Variants in AUTS2 observed in about 807,000 individuals in gnomAD.
The protein encoded by AUTS2 is autism susceptibility gene 2 protein.
A neutral mutation model predicts 112.4 loss-of-function variants in AUTS2; 17 were observed. That is an observed-to-expected ratio of 0.15 (90% CI 0.10 to 0.23). The LOEUF is 0.23. AUTS2 is among the 10% of genes least tolerant of loss of function. AUTS2 has a pLI of 1.00. For synonymous variants in AUTS2, 751 were observed against 702.7 expected (o/e 1.07, Z -1.09); for missense variants, 1,510 against 1,701.6 (o/e 0.89, Z 1.98).
intron 1 of AUTS2, among the ~76,000 whole-genome samples, chr7:69,614,405 G>A (rs918997656): frequency 5.8e-5 from 4 of 68,956 alleles, no homozygotes; most frequent in African/African-American, 1.5e-4. Flanking sequence ...TCCCAGGCTG[G>A]AGTGCAGCAG....
At chr7:70,194,856 C>G (rs1296827038) in intron 4 of AUTS2, 1 of 152,148 alleles carries the variant, frequency 6.6e-6, no homozygotes, top group Non-Finnish European at 1.5e-5. Context: ...GGTTTGGGAA[C>G]TATTTGGATT....
chr7:70,209,150 G>T (rs1248285754), intron 4 of AUTS2, among the ~76,000 whole-genome samples: 2 of 152,158 alleles, frequency 1.3e-5, no homozygotes, highest in Non-Finnish European at 2.9e-5. Flanking sequence ...ATGTAAAGTG[G>T]TTGCATTCGG....
intron 5 of AUTS2, among the ~76,000 whole-genome samples, chr7:70,629,528 A>G (rs1265074987): frequency 6.6e-6 from 1 of 151,726 alleles, no homozygotes; most frequent in Non-Finnish European, 1.5e-5. Flanking sequence ...TTCTGTGGTC[A>G]TAGCAGCCAA....
At chr7:70,465,988 G>A (rs1218231306) in intron 5 of AUTS2, among the ~76,000 whole-genome samples, 2 of 152,178 alleles carry the variant, frequency 1.3e-5, no homozygotes, top group African/African-American at 4.8e-5. Context: ...GAGGTGGATA[G>A]GCAGTGTACA....
chr7:70,626,387 A>G (rs1473228528), intron 5 of AUTS2, among the ~76,000 whole-genome samples: 2 of 147,492 alleles, frequency 1.4e-5, no homozygotes, highest in African/African-American at 4.9e-5. Context: ...AAAAAAAATT[A>G]TGTAAAAACT....
At chr7:70,007,236 A>G (rs1042945418) in intron 2 of AUTS2, among the ~76,000 whole-genome samples, 3 of 152,206 alleles carry the variant, frequency 2.0e-5, no homozygotes, top group African/African-American at 7.2e-5. Flanking sequence ...GATAACCTCA[A>G]TGAGGGAGCT....
intron 4 of AUTS2, among the ~76,000 whole-genome samples, chr7:70,256,218 G>T (rs944625382): frequency 1.3e-5 from 2 of 152,170 alleles, no homozygotes; most frequent in Non-Finnish European, 1.5e-5. Context: ...TGATGTTTCT[G>T]TAAAGAGCAT....
chr7:69,876,525 TATATATATATATATATA>T lies in AUTS2; in HGVS notation c.310-22760_310-22744del, dbSNP rs2129536887. Among the ~76,000 whole-genome samples the T allele has an allele frequency of 3.8e-5, 2 of 53,052 alleles. 1 individual carries two copies. The highest frequency in any genetic ancestry group is 1.0e-3 in the South Asian group (2 of 1,942). 34.8% of individuals were successfully genotyped at this position (53,052 alleles called of 152,430 possible). On this transcript the variant is annotated intron_variant, in intron 1 of 18. Coordinates refer to ENST00000342771, the MANE Select transcript of AUTS2 (RefSeq NM_015570.4). ...ATATATATATATATATATATATATA[TATATATATATATATATA>T]TATTTTCAGTGTTCATATAACAAAT...
At chr7:70,674,748 C>G (rs1409597255) in intron 5 of AUTS2, among the ~76,000 whole-genome samples, 1 of 152,098 alleles carries the variant, frequency 6.6e-6, no homozygotes, top group Non-Finnish European at 1.5e-5. Flanking sequence ...AAAGCAGGCT[C>G]AAGAAAGCAT....
At chr7:70,324,908 G>C (rs1025097866) in intron 4 of AUTS2, among the ~76,000 whole-genome samples, 1 of 152,134 alleles carries the variant, frequency 6.6e-6, no homozygotes, top group Non-Finnish European at 1.5e-5. Context: ...TTGCTTATGG[G>C]GAAGTTGAGA....
At chr7:70,263,952 T>C (rs1787287951) in intron 4 of AUTS2, among the ~76,000 whole-genome samples, 1 of 152,188 alleles carries the variant, frequency 6.6e-6, no homozygotes, top group African/African-American at 2.4e-5. Context: ...TAAGTTCTAG[T>C]GGAAGTTACC....
chr7:70,777,162 A>G lies in AUTS2; in HGVS notation c.1992A>G (p.Gln664=), dbSNP rs1790757385. 1 of 1,614,044 alleles carries G rather than the reference A, an allele frequency of 6.2e-7. No homozygotes were observed. Among genetic ancestry groups the G allele is most frequent in the Admixed American group, 1.7e-5 (1 of 60,010 alleles). The change falls in exon 14 of 19, where the codon CAA becomes CAG. Residue 664 remains glutamine (Q), a synonymous_variant. Transcript: ENST00000342771. Reference sequence around the variant, plus strand: ...TCGCCTGGCAGATTTACCACCACCAACAGAAAGTCAAGGTCAGTCCGACCT... The same window carrying G: ...TCGCCTGGCAGATTTACCACCACCAGCAGAAAGTCAAGGTCAGTCCGACCT... The part of the protein sequence containing the change: ...VHIAWQIYHH[Q]QKVKKQMQSD...
chr7:70,341,185 G>C (rs978595875), intron 4 of AUTS2, among the ~76,000 whole-genome samples: 1 of 152,194 alleles, frequency 6.6e-6, no homozygotes. Context: ...GCAGAGACAT[G>C]AGTCTCAATC....
intron 1 of AUTS2, among the ~76,000 whole-genome samples, chr7:69,807,940 CTTTTTTTTTT>C (rs34491458): frequency 4.2e-5 from 5 of 120,446 alleles, no homozygotes; most frequent in Admixed American, 3.5e-4. Flanking sequence ...TAGGCCCAAG[CTTTTTTTTTT>C]TTTTTTTTTT....
At chr7:69,863,515 A>G (rs1793084136) in intron 1 of AUTS2, among the ~76,000 whole-genome samples, 4 of 152,188 alleles carry the variant, frequency 2.6e-5, no homozygotes. Flanking sequence ...GCAAAGTTCC[A>G]TAATTATATG....
At chr7:70,394,416 A>G (rs527968362) in intron 4 of AUTS2, among the ~76,000 whole-genome samples, 1 of 152,362 alleles carries the variant, frequency 6.6e-6, no homozygotes, top group South Asian at 2.1e-4. Context: ...GGCTATTCAA[A>G]GATTAACTGG....
intron 1 of AUTS2, among the ~76,000 whole-genome samples, chr7:69,834,249 T>C (rs1280314954): frequency 6.6e-6 from 1 of 152,152 alleles, no homozygotes; most frequent in Non-Finnish European, 1.5e-5. Context: ...GTGCGTGCAA[T>C]GAAAGGCCTT....
intron 5 of AUTS2, among the ~76,000 whole-genome samples, chr7:70,598,385 C>T (rs966493059): frequency 5.3e-5 from 8 of 152,188 alleles, no homozygotes; most frequent in Admixed American, 2.6e-4. Flanking sequence ...CCTTTTATTT[C>T]CCATGAAATT....
intron 5 of AUTS2, among the ~76,000 whole-genome samples, chr7:70,603,569 G>A (rs933358922): frequency 1.3e-5 from 2 of 152,170 alleles, no homozygotes; most frequent in Admixed American, 6.5e-5. Flanking sequence ...GGATGTGGGG[G>A]CAGGTGCTTG....
Sources: allele counts gnomAD v4.1 joint callset (sites outside exome capture counted in the v4.1 genomes callset), GRCh38; gene constraint gnomAD v4.1.1; transcripts MANE v1.5; gene names NCBI Gene and HGNC (gene_info 2026-07-23, HGNC 2026-07-21).